RPS6KA2: variants seen among roughly 807,000 people sequenced by gnomAD.
RPS6KA2 encodes ribosomal protein S6 kinase A2, also known as ribosomal protein S6 kinase alpha-2.
A neutral mutation model predicts 91.8 loss-of-function variants in RPS6KA2; 42 were observed. The observed-to-expected ratio is 0.46, with a 90% CI of 0.36 to 0.59. RPS6KA2 has a LOEUF of 0.59. Among genes scored for constraint, RPS6KA2 ranks in the 20% least tolerant of loss-of-function variants. The pLI, the probability that RPS6KA2 is intolerant of heterozygous loss-of-function variation, is 0.00. For missense variants in RPS6KA2, 798 were observed against 978.5 expected (o/e 0.82, Z 2.46); for synonymous variants, 414 against 393.6 (o/e 1.05, Z -0.61).
At position 166,694,807 on chromosome 6, in the gene RPS6KA2, G is replaced by C. The variant is rs147780874; in HGVS notation, c.124-156023C>G. On this transcript the variant is annotated intron_variant, in intron 2 of 21. Coordinates refer to the RPS6KA2 transcript ENST00000503859. ...TACTGCATCTTTCCACGTTGAGAGA[G>C]AAAGAGAGTAATTCATTCATTTAAG... Among the ~76,000 whole-genome samples, 4 of 152,318 alleles carry C rather than the reference G, an allele frequency of 2.6e-5. No homozygotes were observed. In the East Asian group the frequency reaches 7.7e-4, roughly 29 times the overall value.
chr6:166,688,665 G>A (rs1021998150), intron 2 of RPS6KA2, among the ~76,000 whole-genome samples: 39 of 152,364 alleles, frequency 2.6e-4, no homozygotes, highest in African/African-American at 8.4e-4. Flanking sequence ...GAGCGACAGC[G>A]TCAGCGTGAG....
chr6:166,855,417 GGAAGAA>G (rs1274257514), intron 2 of RPS6KA2, among the ~76,000 whole-genome samples: 3 of 142,242 alleles, frequency 2.1e-5, no homozygotes, highest in African/African-American at 8.9e-5. Flanking sequence ...AAGAGGAGGA[GGAAGAA>G]GAAGAGGAAG....
At chr6:166,833,446 T>C (rs1290837761) in intron 2 of RPS6KA2, among the ~76,000 whole-genome samples, 1 of 152,234 alleles carries the variant, frequency 6.6e-6, no homozygotes. Flanking sequence ...CCTTTAAGTG[T>C]AGAGATCAAT....
intron 2 of RPS6KA2, among the ~76,000 whole-genome samples, chr6:166,645,412 C>T (rs895479878): frequency 6.6e-6 from 1 of 152,208 alleles, no homozygotes; most frequent in Non-Finnish European, 1.5e-5. Context: ...CTGGAGTTTC[C>T]GTTTAGCCGC....
At chr6:166,561,532 C>T (rs1296270769) in intron 1 of RPS6KA2, among the ~76,000 whole-genome samples, 2 of 151,920 alleles carry the variant, frequency 1.3e-5, no homozygotes, top group Non-Finnish European at 2.9e-5. Context: ...TGGGAGTCAC[C>T]CTCGACTCTC....
intron 3 of RPS6KA2, among the ~76,000 whole-genome samples, chr6:166,522,935 A>G (rs1054918165): frequency 6.6e-6 from 1 of 152,182 alleles, no homozygotes; most frequent in Non-Finnish European, 1.5e-5. Flanking sequence ...ATACTCAAGT[A>G]TTTTTTAAAA....
At chr6:166,716,492 C>T (rs1790017096) in intron 2 of RPS6KA2, among the ~76,000 whole-genome samples, 5 of 152,214 alleles carry the variant, frequency 3.3e-5, no homozygotes, top group South Asian at 4.2e-4. Context: ...TTGAATGAAA[C>T]GACGTCATTT....
rs117803117 is a variant in RPS6KA2, at chr6:166,676,611, C to A, written c.124-137827G>T. On this transcript the variant is annotated intron_variant, in intron 2 of 21. Coordinates refer to the RPS6KA2 transcript ENST00000503859. The stretch of plus-strand genomic sequence containing the variant: ...GTTCCAGGCACACACTTCAGACTGT[C>A]CCCTCCTGGAGGTGTCCCTGTGCTG... Among the ~76,000 whole-genome samples, 7 of 152,314 alleles carry A rather than the reference C, an allele frequency of 4.6e-5. No homozygotes were observed. In the East Asian group the frequency reaches 1.4e-3, roughly 29 times the overall value.
intron 1 of RPS6KA2, among the ~76,000 whole-genome samples, chr6:166,539,181 G>A (rs964505573): frequency 5.9e-5 from 9 of 152,330 alleles, no homozygotes; most frequent in Admixed American, 3.9e-4. Context: ...GCCTCCCAAA[G>A]TGCTGGGGTT....
chr6:166,547,757 G>A (rs1024813631), intron 1 of RPS6KA2, among the ~76,000 whole-genome samples: 1 of 152,266 alleles, frequency 6.6e-6, no homozygotes, highest in Non-Finnish European at 1.5e-5. Context: ...ATGCAGGAAA[G>A]GATGGAAAGA....
chr6:166,848,929 ATTTT>A (rs1404322397), intron 2 of RPS6KA2, among the ~76,000 whole-genome samples: 1 of 152,044 alleles, frequency 6.6e-6, no homozygotes, highest in Non-Finnish European at 1.5e-5. Context: ...TAAAAAATTA[ATTTT>A]AAAAATATAT....
intron 14 of RPS6KA2, among the ~76,000 whole-genome samples, chr6:166,436,566 C>T (rs186839440): frequency 1.7e-3 from 253 of 152,316 alleles, no homozygotes; most frequent in African/African-American, 4.8e-3. Context: ...AGAAAGGCCT[C>T]GGCCCGACAC....
chr6:166,441,790 G>A lies in RPS6KA2; in HGVS notation c.1332+6934C>T, dbSNP rs565259060. The stretch of plus-strand genomic sequence containing the variant: ...CGGGGCTAGTGCTGCCAGTGACCTC[G>A]GAGCACAGACTGAAAACAGAGGTCT... On this transcript the variant is annotated intron_variant, in intron 14 of 20. Coordinates refer to ENST00000265678, the MANE Select transcript of RPS6KA2 (RefSeq NM_021135.6). Among the ~76,000 whole-genome samples the A allele has an allele frequency of 5.3e-5, 8 of 152,364 alleles. No individual in the cohort carries two copies. In the East Asian group the frequency reaches 5.8e-4, roughly 11 times the overall value.
At chr6:166,693,468 T>G (rs1299426492) in intron 2 of RPS6KA2, among the ~76,000 whole-genome samples, 1 of 152,240 alleles carries the variant, frequency 6.6e-6, no homozygotes, top group Non-Finnish European at 1.5e-5. Context: ...AGCCGTGCAC[T>G]CAGGGTCCTG....
In RPS6KA2 at chr6:166,583,409, T is replaced by C. The variant is rs531628743; in HGVS notation, c.99+43512A>G. 5.9e-5 allele frequency among the ~76,000 whole-genome samples: 9 copies of C among 152,296 alleles called. No individual in the cohort carries two copies. The East Asian group carries it at 1.7e-3, about 29-fold the overall frequency. The stretch of plus-strand genomic sequence containing the variant: ...CCTCCTGTGAGTCTTGGTGATTAAA[T>C]TGTTGAGCAACTTCAAAGCACAGAG... On this transcript the variant is annotated intron_variant, in intron 1 of 20. Transcript: ENST00000265678.
chr6:166,585,976 T>G lies in RPS6KA2; in HGVS notation c.99+40945A>C, dbSNP rs1785156792. 1.3e-5 allele frequency: 6 copies of G among 452,882 alleles called. No individual in the cohort carries two copies. The East Asian group carries it at 1.9e-4, about 15-fold the overall frequency. The allele number at this position is 452,882 out of a possible 1,614,324, so 28.1% of individuals were successfully genotyped here. On this transcript the variant is annotated intron_variant, in intron 1 of 20. Transcript: ENST00000265678. ...CAACCATCGCATTTCGCAAGTAAGATCTATTTTTTTTAAAGTCTCAACTTC... is the reference window on the plus strand; with the variant it reads ...CAACCATCGCATTTCGCAAGTAAGAGCTATTTTTTTTAAAGTCTCAACTTC...
chr6:166,490,853 C>A lies in RPS6KA2; in HGVS notation c.748-112G>T. ...CCGTGTCCATTTCCTCATGCAAAATCTCCATCAGTCAATTGTAGCCACTGG... is the reference window on the plus strand; with the variant it reads ...CCGTGTCCATTTCCTCATGCAAAATATCCATCAGTCAATTGTAGCCACTGG... On this transcript the variant is annotated intron_variant, in intron 8 of 20. Coordinates refer to ENST00000265678, the MANE Select transcript of RPS6KA2 (RefSeq NM_021135.6). This position sits in a 1 kb window ranked among gnomAD's most constrained non-coding sequence, Gnocchi z 4.2. The A allele has an allele frequency of 1.3e-6, 1 of 754,070 alleles. No individual in the cohort carries two copies. Among genetic ancestry groups the A allele is most frequent in the African/African-American group, 1.8e-5 (1 of 56,936 alleles). The allele number at this position is 754,070 out of a possible 1,614,324, so 46.7% of individuals were successfully genotyped here. A position where few individuals can be genotyped will look rare whatever the true frequency, so the allele number is the denominator to read the frequency against.
chr6:166,819,092 A>G (rs1231367519), intron 2 of RPS6KA2, among the ~76,000 whole-genome samples: 3 of 152,078 alleles, frequency 2.0e-5, no homozygotes, highest in Non-Finnish European at 4.4e-5. Flanking sequence ...CGCCACTCAG[A>G]AGCCCACAAC....
At chr6:166,769,554 C>T (rs1451673207) in intron 2 of RPS6KA2, among the ~76,000 whole-genome samples, 1 of 152,248 alleles carries the variant, frequency 6.6e-6, no homozygotes, top group Admixed American at 6.5e-5. Context: ...GCCCACCCCT[C>T]ACCTTTGCAT....
Sources: gnomAD v4.1 joint callset for allele counts (sites outside exome capture counted in the v4.1 genomes callset) on GRCh38, gnomAD v4.1.1 for gene constraint, Gnocchi (gnomAD v3.1) non-coding constraint, MANE v1.5 for transcripts, NCBI Gene and HGNC (gene_info 2026-07-23, HGNC 2026-07-21) for gene names.